Variants in TBC1D19 observed in about 807,000 individuals in gnomAD.
TBC1D19 encodes TBC1 domain family member 19, also known as TBC1 domain family, member 19.
TBC1D19 carries 60 observed loss-of-function variants against 89.0 expected under a neutral mutation model. The observed-to-expected ratio is 0.67, with a 90% CI of 0.55 to 0.84. The LOEUF (loss-of-function observed/expected upper bound fraction) is 0.84. Among genes scored for constraint, TBC1D19 ranks in the 40% least tolerant of loss-of-function variants. The pLI, the probability that TBC1D19 is intolerant of heterozygous loss-of-function variation, is 0.00. For synonymous variants in TBC1D19, 189 were observed against 199.7 expected (o/e 0.95, Z 0.45); for missense variants, 500 against 610.8 (o/e 0.82, Z 1.91).
At chr4:26,614,286 T>C in intron 2 of TBC1D19, 122 bp from the exon 3 acceptor site, 2 of 653,138 alleles carry the variant, frequency 3.1e-6, no homozygotes, top group Non-Finnish European at 2.5e-6. Flanking sequence ...GGATTGGCAG[T>C]TGACAAAATT....
chr4:26,579,787 G>C (rs1577737224), upstream of TBC1D19, among the ~76,000 whole-genome samples: 1 of 151,686 alleles, frequency 6.6e-6, no homozygotes. Flanking sequence ...GTGTTAGTTT[G>C]CTGAAAATGA....
intron 3 of TBC1D19, among the ~76,000 whole-genome samples, chr4:26,618,199 G>T (rs1402757630): frequency 6.6e-6 from 1 of 152,194 alleles, no homozygotes; most frequent in Admixed American, 6.5e-5. Context: ...TCCCAGTTGG[G>T]CATACAGACT....
At chr4:26,842,026 G>T in the TBC1D19 span, among the ~76,000 whole-genome samples, 1,190 of 152,282 alleles carry the variant, frequency 7.8e-3, 14 homozygotes, top group African/African-American at 0.027. Context: ...GGAGGAAAGG[G>T]AATAGTTTAT....
At chr4:26,777,133 TTC>T in the TBC1D19 span, among the ~76,000 whole-genome samples, 1 of 106,930 alleles carries the variant, frequency 9.4e-6, no homozygotes, top group African/African-American at 2.9e-5. Flanking sequence ...TCTCTCTCTC[TTC>T]TTTTTTTTTT....
At chr4:26,792,952 C>A in the TBC1D19 span, among the ~76,000 whole-genome samples, 11 of 152,278 alleles carry the variant, frequency 7.2e-5, no homozygotes, top group East Asian at 2.1e-3. Context: ...GGTTCTGTAA[C>A]CAAAAAATTA....
intron 13 of TBC1D19, among the ~76,000 whole-genome samples, chr4:26,711,801 G>A (rs936756250): frequency 6.6e-6 from 1 of 152,004 alleles, no homozygotes; most frequent in Non-Finnish European, 1.5e-5. Flanking sequence ...CAATTGAACT[G>A]TCATTTCCAT....
At chr4:26,705,988 C>T (rs962356986) in intron 13 of TBC1D19, among the ~76,000 whole-genome samples, 1 of 152,130 alleles carries the variant, frequency 6.6e-6, no homozygotes, top group African/African-American at 2.4e-5. Context: ...AGCACATGCA[C>T]TGTACCCTTG....
chr4:26,642,776 C>A (rs1743636179), intron 7 of TBC1D19, among the ~76,000 whole-genome samples: 2 of 152,068 alleles, frequency 1.3e-5, no homozygotes, highest in South Asian at 2.1e-4. Flanking sequence ...GCAGGAGTTA[C>A]AATCCTAGTC....
chr4:26,597,030 T>C (rs1294432158), intron 1 of TBC1D19, among the ~76,000 whole-genome samples: 3 of 152,196 alleles, frequency 2.0e-5, no homozygotes, highest in Admixed American at 6.5e-5. Flanking sequence ...TCATAAAGAA[T>C]GTTTATATTG....
At chr4:26,703,717 G>T (rs879293451) in intron 13 of TBC1D19, among the ~76,000 whole-genome samples, 56 of 151,730 alleles carry the variant, frequency 3.7e-4, no homozygotes, top group Admixed American at 9.2e-4. Context: ...ACTTTGGGAG[G>T]CCAAGGCGGG....
the TBC1D19 span, chr4:26,857,934 A>G: frequency 6.6e-6 from 1 of 152,324 alleles, no homozygotes; most frequent in Admixed American, 6.5e-5. Context: ...CAATCAAACA[A>G]CATGGGCAAA....
chr4:26,659,957 A>G (rs1163862037), intron 8 of TBC1D19, among the ~76,000 whole-genome samples: 1 of 152,228 alleles, frequency 6.6e-6, no homozygotes, highest in African/African-American at 2.4e-5. Flanking sequence ...GCATAGATTT[A>G]TGAGACAGCT....
intron 1 of TBC1D19, among the ~76,000 whole-genome samples, chr4:26,577,119 T>A (rs1023401148): frequency 2.6e-5 from 4 of 152,202 alleles, no homozygotes; most frequent in Admixed American, 1.3e-4. Context: ...AAAATCTGCC[T>A]GAGTTTTCAG....
chr4:26,815,805 G>T, the TBC1D19 span, among the ~76,000 whole-genome samples: 1 of 152,210 alleles, frequency 6.6e-6, no homozygotes, highest in Non-Finnish European at 1.5e-5. Context: ...AAACAAAACA[G>T]AGTTAATCTC....
chr4:26,773,643 T>C, the TBC1D19 span, among the ~76,000 whole-genome samples: 1 of 152,176 alleles, frequency 6.6e-6, no homozygotes, highest in Admixed American at 6.5e-5. Context: ...AATTTTTATA[T>C]AGGTATAAGG....
At position 26,679,724 on chromosome 4, in the gene TBC1D19, C is replaced by T. The variant is rs145180900; in HGVS notation, c.817-3951C>T. Among the ~76,000 whole-genome samples, 133 of 152,358 alleles carry T rather than the reference C, an allele frequency of 8.7e-4. 3 individuals carry two copies. In the East Asian group the frequency reaches 0.023, roughly 26 times the overall value. On this transcript the variant is annotated intron_variant, in intron 11 of 20. Transcript: ENST00000264866. ...CCTGTGAAAGCAGCTGTGAGTGGGGCTGTACTCGGTAAAGCCACAGGGGCA... is the reference window on the plus strand; with the variant it reads ...CCTGTGAAAGCAGCTGTGAGTGGGGTTGTACTCGGTAAAGCCACAGGGGCA...
the TBC1D19 span, among the ~76,000 whole-genome samples, chr4:26,837,372 AG>A: frequency 2.0e-5 from 3 of 152,200 alleles, no homozygotes; most frequent in African/African-American, 7.2e-5. Context: ...GCAAATATGT[AG>A]TATTTAGAGG....
At chr4:26,664,444 G>A (rs192486119) in intron 8 of TBC1D19, among the ~76,000 whole-genome samples, 1 of 152,082 alleles carries the variant, frequency 6.6e-6, no homozygotes, top group African/African-American at 2.4e-5. Context: ...TAATATTAAA[G>A]CATTTGTTGG....
chr4:26,666,648 T>C (rs1711835983), intron 9 of TBC1D19, among the ~76,000 whole-genome samples: 1 of 152,076 alleles, frequency 6.6e-6, no homozygotes, highest in Non-Finnish European at 1.5e-5. Context: ...ATTAGACATA[T>C]ATAAGTCATT....
Sources: allele counts gnomAD v4.1 joint callset (sites outside exome capture counted in the v4.1 genomes callset), GRCh38; gene constraint gnomAD v4.1.1; transcripts MANE v1.5; gene names NCBI Gene and HGNC (gene_info 2026-07-23, HGNC 2026-07-21).